CELF4: variants seen among roughly 807,000 people sequenced by gnomAD.
The protein encoded by CELF4 is CUGBP Elav-like family member 4, also known as CUG-BP- and ETR-3-like factor 4.
A neutral mutation model predicts 59.9 loss-of-function variants in CELF4; 18 were observed. That is an observed-to-expected ratio of 0.30 (90% CI 0.21 to 0.45). The LOEUF (loss-of-function observed/expected upper bound fraction) is 0.45, where lower values mean the gene tolerates loss of function less well. CELF4 is among the 20% of genes least tolerant of loss of function. CELF4 has a pLI of 1.00. For missense variants in CELF4, 456 were observed against 689.0 expected (o/e 0.66, Z 3.79); for synonymous variants, 261 against 267.1 (o/e 0.98, Z 0.22).
intron 6 of CELF4, 125 bp downstream of exon 6, chr18:37,274,186 G>A (rs1438009177): frequency 4.6e-6 from 7 of 1,507,412 alleles, no homozygotes; most frequent in East Asian, 2.4e-5. Flanking sequence ...GTTCATTCCC[G>A]GCCCCTCCTC....
At chr18:37,517,566 C>T (rs77682760) in intron 1 of CELF4, among the ~76,000 whole-genome samples, 2,415 of 152,264 alleles carry the variant, frequency 0.016, 69 homozygotes, top group African/African-American at 0.054. Context: ...GCCTCTCAGT[C>T]CCAGGCCAAC....
intron 2 of CELF4, among the ~76,000 whole-genome samples, chr18:37,370,788 C>T (rs1201547895): frequency 6.6e-6 from 1 of 152,184 alleles, no homozygotes; most frequent in Non-Finnish European, 1.5e-5. Flanking sequence ...TGTCACGTGT[C>T]AATCATGTAA....
Position 37,274,394 on chromosome 18 carries a change from G to A in CELF4, c.718C>T (p.Arg240Ter). Residue 240 changes from arginine (R) to a stop codon, truncating the protein, a stop_gained, in exon 6 of 13, where the codon CGA becomes TGA. Coordinates refer to ENST00000420428, the MANE Select transcript of CELF4 (RefSeq NM_020180.4). LOFTEE classifies it high-confidence loss of function. Reference sequence around the variant, plus strand: ...ATCTGGCCAGCCATCTGCTGCATTCGCCGCATCGTGCGCTCCTTGTCGGTG... The same window carrying A: ...ATCTGGCCAGCCATCTGCTGCATTCACCGCATCGTGCGCTCCTTGTCGGTG... Reference protein sequence around the residue: ...ADTDKERTMRRMQQMAGQMGM... With the variant: ...ADTDKERTMR 6.2e-7 allele frequency: 1 copy of A among 1,613,518 alleles called. No homozygotes were observed. Among genetic ancestry groups the A allele is most frequent in the Non-Finnish European group, 8.5e-7 (1 of 1,179,962 alleles).
intron 1 of CELF4, among the ~76,000 whole-genome samples, chr18:37,502,022 G>A (rs915548224): frequency 1.3e-5 from 2 of 152,134 alleles, no homozygotes; most frequent in African/African-American, 2.4e-5. Flanking sequence ...TGCATCACTC[G>A]TGGTCTCAGC....
intron 2 of CELF4, among the ~76,000 whole-genome samples, chr18:37,388,401 C>T (rs1020614887): frequency 4.0e-5 from 6 of 151,652 alleles, no homozygotes; most frequent in Non-Finnish European, 8.8e-5. Context: ...CCTCTTCCCT[C>T]CCTTCCCTCC....
intron 3 of CELF4, among the ~76,000 whole-genome samples, chr18:37,313,403 T>C (rs923900749): frequency 6.6e-6 from 1 of 152,204 alleles, no homozygotes; most frequent in East Asian, 1.9e-4. Flanking sequence ...CGCTGACTCC[T>C]AAGATTGGAA....
chr18:37,383,250 G>A (rs963356601), intron 2 of CELF4, among the ~76,000 whole-genome samples: 3 of 152,186 alleles, frequency 2.0e-5, no homozygotes, highest in Non-Finnish European at 4.4e-5. Context: ...ACCAGGCAGA[G>A]CAGCGGCCAC....
At chr18:37,529,524 C>G (rs1356837312) in intron 1 of CELF4, among the ~76,000 whole-genome samples, 1 of 152,334 alleles carries the variant, frequency 6.6e-6, no homozygotes, top group South Asian at 2.1e-4. Context: ...ATGGAGGAAA[C>G]TGGTGGGTGG....
intron 3 of CELF4, among the ~76,000 whole-genome samples, chr18:37,313,899 C>T (rs772187312): frequency 3.3e-5 from 5 of 152,180 alleles, no homozygotes; most frequent in Admixed American, 1.3e-4. Flanking sequence ...GCTGGCCCAG[C>T]GGGACTCCGC....
chr18:37,346,141 T>C (rs771412980), intron 2 of CELF4, among the ~76,000 whole-genome samples: 58 of 152,196 alleles, frequency 3.8e-4, no homozygotes, highest in Non-Finnish European at 7.1e-4. Context: ...CTATGTCTGC[T>C]GGAGGATGAG....
At position 37,485,616 on chromosome 18, in the gene CELF4, G is replaced by T; in HGVS notation, c.287-9C>A. On this transcript the variant is annotated splice_polypyrimidine_tract_variant and intron_variant, in intron 1 of 12. Transcript: ENST00000420428. The stretch of plus-strand genomic sequence containing the variant: ...GGTGAGGAAGGCGCAGCCTGGGGAG[G>T]AAAGCAAGCGCCAAGAAGGGTCAGT... The T allele has an allele frequency of 7.0e-7, 1 of 1,437,358 alleles. No homozygotes were observed. The highest frequency in any genetic ancestry group is 2.8e-5 in the East Asian group (1 of 35,674). The allele number at this position is 1,437,358 out of a possible 1,614,324, so 89.0% of individuals were successfully genotyped here.
At chr18:37,329,847 C>A (rs891585773) in intron 2 of CELF4, among the ~76,000 whole-genome samples, 1 of 152,232 alleles carries the variant, frequency 6.6e-6, no homozygotes, top group African/African-American at 2.4e-5. Context: ...CCCTGTGTGG[C>A]CACATGGGGT....
intron 2 of CELF4, among the ~76,000 whole-genome samples, chr18:37,432,947 A>G (rs1238346952): frequency 6.6e-6 from 1 of 152,218 alleles, no homozygotes; most frequent in Non-Finnish European, 1.5e-5. Flanking sequence ...TTGCAGTACC[A>G]GCAGGCTTCT....
chr18:37,445,726 A>G lies in CELF4; in HGVS notation c.369+39799T>C, dbSNP rs112224142. Reference sequence around the variant, plus strand: ...CTTTCCAAAAGAGAAAGGGAGGCATAAGTCCGATGCATTCCGTGTCTCCCA... The same window carrying G: ...CTTTCCAAAAGAGAAAGGGAGGCATGAGTCCGATGCATTCCGTGTCTCCCA... On this transcript the variant is annotated intron_variant, in intron 2 of 12. Transcript: ENST00000420428. Among the ~76,000 whole-genome samples the G allele has an allele frequency of 8.0e-3, 1,216 of 152,092 alleles. 15 individuals are homozygous for G. Among genetic ancestry groups the G allele is most frequent in the African/African-American group, 0.028 (1,144 of 41,432 alleles).
intron 3 of CELF4, among the ~76,000 whole-genome samples, chr18:37,312,634 G>A (rs961740330): frequency 5.3e-5 from 8 of 152,196 alleles, no homozygotes; most frequent in Admixed American, 5.2e-4. Context: ...CCAAGGCATG[G>A]AGAGGAGACT....
intron 3 of CELF4, among the ~76,000 whole-genome samples, chr18:37,304,799 A>T (rs2154472090): frequency 6.6e-6 from 1 of 152,360 alleles, no homozygotes; most frequent in Middle Eastern, 3.4e-3. Context: ...CCAACTAAGC[A>T]GTGCTGCCCC....
At chr18:37,556,512 A>G (rs1163830874) in intron 1 of CELF4, among the ~76,000 whole-genome samples, 1 of 152,138 alleles carries the variant, frequency 6.6e-6, no homozygotes, top group African/African-American at 2.4e-5. Context: ...TTTGTAGTAG[A>G]AGGCATGCTT....
At chr18:37,492,245 G>A (rs930192079) in intron 1 of CELF4, among the ~76,000 whole-genome samples, 3 of 152,076 alleles carry the variant, frequency 2.0e-5, no homozygotes, top group Admixed American at 6.5e-5. Context: ...CCTAGGGGCC[G>A]AGGAAGGGGC....
intron 2 of CELF4, among the ~76,000 whole-genome samples, chr18:37,353,489 C>T (rs972189296): frequency 1.3e-5 from 2 of 150,980 alleles, no homozygotes; most frequent in African/African-American, 4.9e-5. Context: ...GAACATCCTG[C>T]AAAGGGCTTG....
Sources: allele counts gnomAD v4.1 joint callset (sites outside exome capture counted in the v4.1 genomes callset), GRCh38; gene constraint gnomAD v4.1.1; transcripts MANE v1.5; gene names NCBI Gene and HGNC (gene_info 2026-07-23, HGNC 2026-07-21).